MYO5B: variants seen among roughly 807,000 people sequenced by gnomAD.
The protein encoded by MYO5B is myosin VB.
A neutral mutation model predicts 229.3 loss-of-function variants in MYO5B; 143 were observed. The observed-to-expected ratio is 0.62, with a 90% CI of 0.54 to 0.72. The LOEUF is 0.72. MYO5B is among the 30% of genes least tolerant of loss of function. The pLI, the probability that MYO5B is intolerant of heterozygous loss-of-function variation, is 0.00. For synonymous variants in MYO5B, 918 were observed against 885.2 expected, an observed-to-expected ratio of 1.04 and a Z score of -0.66; for missense variants, 2,321 against 2,331.0, an observed-to-expected ratio of 1.00 and a Z score of 0.09.
intron 22 of MYO5B, among the ~76,000 whole-genome samples, chr18:49,882,636 A>AAAAAAAG (rs977043464): frequency 6.6e-6 from 1 of 150,734 alleles, no homozygotes; most frequent in Non-Finnish European, 1.5e-5. Flanking sequence ...CAAAAAAAAA[A>AAAAAAAG]AAAAAGAAAG....
At chr18:49,971,494 T>G (rs1332062785) in intron 10 of MYO5B, among the ~76,000 whole-genome samples, 1 of 152,198 alleles carries the variant, frequency 6.6e-6, no homozygotes, top group East Asian at 1.9e-4. Flanking sequence ...TAAGAAATGA[T>G]ATCACTGACC....
intron 8 of MYO5B, among the ~76,000 whole-genome samples, chr18:49,982,583 A>G (rs1041581063): frequency 5.3e-5 from 8 of 152,184 alleles, no homozygotes; most frequent in African/African-American, 1.9e-4. Context: ...AAAATCAATC[A>G]AACAAACCTA....
chr18:50,166,915 T>C (rs548976305), intron 1 of MYO5B, among the ~76,000 whole-genome samples: 84 of 152,320 alleles, frequency 5.5e-4, no homozygotes, highest in African/African-American at 2.0e-3. Flanking sequence ...GGATATCAAT[T>C]TTTACTGCAT....
intron 4 of MYO5B, among the ~76,000 whole-genome samples, chr18:50,020,599 A>T (rs2026263438): frequency 6.6e-6 from 1 of 152,178 alleles, no homozygotes. Context: ...ACCTACAATG[A>T]CCACAACAGT....
intron 1 of MYO5B, among the ~76,000 whole-genome samples, chr18:50,076,995 T>A (rs946552778): frequency 8.6e-5 from 13 of 151,968 alleles, no homozygotes; most frequent in East Asian, 5.8e-4. Flanking sequence ...AAATATTTTT[T>A]AAATATATTT....
chr18:50,015,753 C>T (rs879524464), intron 4 of MYO5B, among the ~76,000 whole-genome samples: 2 of 152,208 alleles, frequency 1.3e-5, no homozygotes, highest in African/African-American at 2.4e-5. Context: ...GGTGAGCAAG[C>T]ACCTCCTCCA....
intron 27 of MYO5B, among the ~76,000 whole-genome samples, chr18:49,869,186 A>G (rs564197874): frequency 1.3e-5 from 2 of 152,214 alleles, no homozygotes; most frequent in Non-Finnish European, 2.9e-5. Context: ...TGCACACTTC[A>G]GAGCATTCAG....
chr18:49,893,021 G>C (rs1473411776), intron 22 of MYO5B, among the ~76,000 whole-genome samples: 1 of 152,198 alleles, frequency 6.6e-6, no homozygotes, highest in Non-Finnish European at 1.5e-5. Flanking sequence ...AAGGAGAGGA[G>C]GAGGGAGTCT....
chr18:49,831,992 C>T (rs1253502444), intron 39 of MYO5B, among the ~76,000 whole-genome samples: 1 of 152,094 alleles, frequency 6.6e-6, no homozygotes, highest in East Asian at 1.9e-4. Context: ...GAAAGAATAT[C>T]GTATGAGCCA....
At chr18:49,867,755 A>G (rs2024413171) in intron 27 of MYO5B, among the ~76,000 whole-genome samples, 2 of 121,490 alleles carry the variant, frequency 1.6e-5, no homozygotes, top group African/African-American at 5.7e-5. Flanking sequence ...CTATACCACC[A>G]TTCTATAACT....
intron 1 of MYO5B, among the ~76,000 whole-genome samples, chr18:50,094,392 TA>T (rs200662565): frequency 2.2e-4 from 34 of 151,484 alleles, no homozygotes; most frequent in African/African-American, 6.0e-4. Context: ...AAATGTGGTT[TA>T]AAAAAAAATG....
At chr18:50,052,521 C>T (rs1490397296) in intron 2 of MYO5B, among the ~76,000 whole-genome samples, 2 of 126,606 alleles carry the variant, frequency 1.6e-5, no homozygotes, top group Non-Finnish European at 3.1e-5. Context: ...CACATGGACA[C>T]GGGAAGGGGA....
intron 1 of MYO5B, among the ~76,000 whole-genome samples, chr18:50,092,556 C>T (rs921972404): frequency 2.6e-5 from 4 of 152,090 alleles, no homozygotes; most frequent in Admixed American, 6.6e-5. Flanking sequence ...AGCACCCAGT[C>T]TGCTCAAAGA....
intron 29 of MYO5B, among the ~76,000 whole-genome samples, chr18:49,860,923 T>C (rs1318356769): frequency 1.3e-5 from 2 of 152,230 alleles, no homozygotes; most frequent in Non-Finnish European, 2.9e-5. Flanking sequence ...GGGAATCCCC[T>C]TGTCATGGGC....
chr18:50,107,334 C>G (rs3934963), intron 1 of MYO5B, among the ~76,000 whole-genome samples: 15,398 of 151,532 alleles, frequency 0.1, 879 homozygotes, highest in East Asian at 0.23. Flanking sequence ...CCAGGATGGT[C>G]TTGATCTCCT....
chr18:50,193,679 T>C (rs1790438), intron 1 of MYO5B, among the ~76,000 whole-genome samples: 133,887 of 152,342 alleles, frequency 0.88, 58,917 homozygotes, highest in Middle Eastern at 0.9. Flanking sequence ...GGCGTGTGCA[T>C]AGGCACTGTT....
At chr18:50,192,189 C>A (rs538106859) in intron 1 of MYO5B, among the ~76,000 whole-genome samples, 1 of 152,270 alleles carries the variant, frequency 6.6e-6, no homozygotes, top group South Asian at 2.1e-4. Flanking sequence ...TGATTCTGAC[C>A]GAAAACAAAG....
Position 50,147,462 on chromosome 18 carries a change from T to C in MYO5B, c.27+47305A>G, listed in dbSNP as rs540582517. On this transcript the variant is annotated intron_variant, in intron 1 of 39. Transcript: ENST00000285039. The stretch of plus-strand genomic sequence containing the variant: ...TCCAGTCCAGCCGCCACAGGGTACA[T>C]GGATTTGTTTAACACATGAAGCTGA... Among the ~76,000 whole-genome samples the C allele has an allele frequency of 2.2e-4, 34 of 152,326 alleles. 1 individual carries two copies. In the South Asian group the frequency reaches 7.0e-3, roughly 32 times the overall value.
At chr18:49,925,940 T>C (rs1194270448) in intron 17 of MYO5B, among the ~76,000 whole-genome samples, 1 of 152,094 alleles carries the variant, frequency 6.6e-6, no homozygotes, top group African/African-American at 2.4e-5. Context: ...GACTGCAGGG[T>C]AGACTGGGAA....
Sources: gnomAD v4.1 joint callset for allele counts (sites outside exome capture counted in the v4.1 genomes callset) on GRCh38, gnomAD v4.1.1 for gene constraint, MANE v1.5 for transcripts, NCBI Gene and HGNC (gene_info 2026-07-23, HGNC 2026-07-21) for gene names.